Variants in RP1 observed in about 807,000 individuals in gnomAD.
RP1 encodes the protein RP1 axonemal microtubule associated, also known as oxygen-regulated protein 1.
In RP1, 16 loss-of-function variants were observed where a neutral mutation model predicts 14.8. That is an observed-to-expected ratio of 1.08 (90% confidence interval 0.73 to 1.65). The LOEUF (loss-of-function observed/expected upper bound fraction) is 1.65. Ranked by LOEUF, RP1 falls within the 40% of genes most tolerant of loss-of-function variation. The pLI is 0.00. For synonymous variants in RP1, 876 were observed against 883.6 expected (o/e 0.99, Z 0.15); for missense variants, 2,631 against 2,535.0 (o/e 1.04, Z -0.81).
chr8:54,831,405 T>TTC (rs1461228283), intron 24 of RP1, among the ~76,000 whole-genome samples: 13 of 149,298 alleles, frequency 8.7e-5, no homozygotes, highest in African/African-American at 3.2e-4. Flanking sequence ...TTGTTTCTTT[T>TTC]TTTTTTTTTT....
chr8:54,626,270 T>C lies in RP1; in HGVS notation c.2388T>C (p.Gly796=). The C allele has an allele frequency of 6.2e-7, 1 of 1,613,334 alleles. No homozygotes were observed. Among genetic ancestry groups the C allele is most frequent in the Non-Finnish European group, 8.5e-7 (1 of 1,179,658 alleles). Residue 796 remains glycine, a synonymous_variant, in exon 4 of 4, where the codon GGT becomes GGC. Coordinates refer to ENST00000220676, the MANE Select transcript of RP1 (RefSeq NM_006269.2). ...SLGAPKKREI[G]QRDKVFPHNE... ...GAGCACCTAAAAAAAGAGAAATCGG[T>C]CAAAGAGATAAAGTGTTTCCTCACA...
rs567970551 is a variant in RP1, at chr8:54,654,299, A to G, written c.1038+1433A>G. On this transcript the variant is annotated intron_variant, in intron 5 of 22. Coordinates refer to the RP1 transcript ENST00000636932. Reference sequence around the variant, plus strand: ...GGATTTGAACAGAATCACTGATTCCATGATAGCAACAATAATACATTTCCA... The same window carrying G: ...GGATTTGAACAGAATCACTGATTCCGTGATAGCAACAATAATACATTTCCA... 3.9e-5 allele frequency among the ~76,000 whole-genome samples: 6 copies of G among 152,334 alleles called. No individual in the cohort carries two copies. In the South Asian group the frequency reaches 6.2e-4, roughly 16 times the overall value.
At chr8:54,765,131 C>T (rs1328676887) in intron 22 of RP1, among the ~76,000 whole-genome samples, 6 of 152,220 alleles carry the variant, frequency 3.9e-5, no homozygotes, top group Non-Finnish European at 5.9e-5. Context: ...GAGATTCTTC[C>T]GTGGAAGCAA....
intron 4 of RP1, among the ~76,000 whole-genome samples, chr8:54,651,236 G>A (rs1234944333): frequency 3.3e-5 from 5 of 152,176 alleles, no homozygotes; most frequent in African/African-American, 1.2e-4. Context: ...ATAAGGCACA[G>A]TGGTTTATAG....
intron 1 of RP1, among the ~76,000 whole-genome samples, chr8:54,559,637 C>T (rs538706771): frequency 6.6e-6 from 1 of 152,112 alleles, no homozygotes; most frequent in Non-Finnish European, 1.5e-5. Context: ...GGCCTGTACA[C>T]GTGGGCCATG....
chr8:54,713,137 G>T (rs1481352706), intron 15 of RP1, among the ~76,000 whole-genome samples: 1 of 151,418 alleles, frequency 6.6e-6, no homozygotes, highest in Non-Finnish European at 1.5e-5. Flanking sequence ...CAACATGTCT[G>T]CTGTTGTAAA....
At chr8:54,659,877 GTTTC>G (rs1806847070) in intron 6 of RP1, among the ~76,000 whole-genome samples, 1 of 151,954 alleles carries the variant, frequency 6.6e-6, no homozygotes, top group Non-Finnish European at 1.5e-5. Flanking sequence ...CCATTTATTT[GTTTC>G]TTTATTTTAA....
chr8:54,706,326 CACCAA>C, intron 14 of RP1: 2 of 996,782 alleles, frequency 2.0e-6, no homozygotes, highest in Non-Finnish European at 2.9e-6. Flanking sequence ...CGTTTTCAGC[CACCAA>C]GCCTCCTGGT....
chr8:54,751,902 T>C (rs1040276431), intron 19 of RP1, among the ~76,000 whole-genome samples: 1 of 152,172 alleles, frequency 6.6e-6, no homozygotes, highest in Admixed American at 6.5e-5. Flanking sequence ...TTCAGTGGTG[T>C]TCGTGGGGTT....
At chr8:54,607,889 G>T (rs13267914) in intron 1 of RP1, among the ~76,000 whole-genome samples, 52,274 of 152,006 alleles carry the variant, frequency 0.34, 9,554 homozygotes, top group Middle Eastern at 0.49. Flanking sequence ...TAAGACCATT[G>T]GAAAAGTGCA....
intron 19 of RP1, among the ~76,000 whole-genome samples, chr8:54,747,498 GTT>G (rs764487656): frequency 4.7e-4 from 71 of 152,314 alleles, no homozygotes; most frequent in Middle Eastern, 3.4e-3. Flanking sequence ...ATTATTCAGT[GTT>G]ATAATCCCAA....
chr8:54,831,276 C>A (rs535352341), intron 24 of RP1, among the ~76,000 whole-genome samples: 17 of 151,972 alleles, frequency 1.1e-4, no homozygotes, highest in African/African-American at 4.1e-4. Context: ...TGAGAACTAC[C>A]AAATGTTTTC....
chr8:54,612,006 C>G (rs1805610084), upstream of RP1, among the ~76,000 whole-genome samples: 1 of 151,594 alleles, frequency 6.6e-6, no homozygotes, highest in South Asian at 2.1e-4. Context: ...GTATTCAGGT[C>G]TTTTCTGAGT....
At chr8:54,583,058 G>A (rs2129297426) in intron 1 of RP1, among the ~76,000 whole-genome samples, 1 of 152,310 alleles carries the variant, frequency 6.6e-6, no homozygotes, top group East Asian at 1.9e-4. Flanking sequence ...TGGTGAGAGA[G>A]GGCATCCCTG....
chr8:54,730,915 T>C (rs1808780364), intron 17 of RP1, among the ~76,000 whole-genome samples: 1 of 152,126 alleles, frequency 6.6e-6, no homozygotes, highest in South Asian at 2.1e-4. Flanking sequence ...TTTTTGCAGA[T>C]TATATGTTTT....
intron 22 of RP1, among the ~76,000 whole-genome samples, chr8:54,764,068 C>G (rs1201505711): frequency 1.3e-5 from 2 of 152,224 alleles, no homozygotes; most frequent in African/African-American, 2.4e-5. Flanking sequence ...GACTCACGCC[C>G]TTTTCACGGT....
intron 15 of RP1, chr8:54,720,107 A>C (rs1333023371): frequency 2.7e-6 from 4 of 1,465,710 alleles, no homozygotes; most frequent in Non-Finnish European, 3.6e-6. Context: ...ACATTTATTG[A>C]ATCATTTTGT....
At chr8:54,766,381 G>A (rs1401483918) in intron 22 of RP1, among the ~76,000 whole-genome samples, 2 of 151,924 alleles carry the variant, frequency 1.3e-5, no homozygotes, top group Non-Finnish European at 1.5e-5. Context: ...TCCTGAAAGA[G>A]GCCACTATTA....
chr8:54,681,194 G>A (rs1308081780), intron 12 of RP1, among the ~76,000 whole-genome samples: 2 of 151,946 alleles, frequency 1.3e-5, no homozygotes, highest in Admixed American at 1.3e-4. Context: ...TTGCAGATGT[G>A]GCCACAAAAA....
Sources: allele counts gnomAD v4.1 joint callset (sites outside exome capture counted in the v4.1 genomes callset), GRCh38; gene constraint gnomAD v4.1.1; transcripts MANE v1.5; gene names NCBI Gene and HGNC (gene_info 2026-07-23, HGNC 2026-07-21).